The following C10orf53 variants were observed in gnomAD, a reference collection of about 807,000 sequenced individuals.
C10orf53 encodes chromosome 10 open reading frame 53.
C10orf53 carries 8 observed loss-of-function variants against 9.4 expected under a neutral mutation model. That is an observed-to-expected ratio of 0.85 (90% CI 0.50 to 1.53). The LOEUF is 1.53. Among genes scored for constraint, C10orf53 ranks in the 40% most tolerant of loss-of-function variants. C10orf53 has a pLI of 0.00. For missense variants in C10orf53, 117 were observed against 117.8 expected (o/e 0.99, Z 0.03); for synonymous variants, 48 against 46.0 (o/e 1.04, Z -0.18).
In C10orf53 at chr10:49,679,722, C is replaced by G. The variant is rs1192382220; in HGVS notation, c.25C>G (p.Leu9Val). 1 of 1,548,732 alleles carries G rather than the reference C, an allele frequency of 6.5e-7. No homozygotes were observed. Among genetic ancestry groups the G allele is most frequent in the Non-Finnish European group, 8.7e-7 (1 of 1,146,174 alleles). Residue 9 changes from leucine (L) to valine (V), a missense_variant, in exon 1 of 3, where the codon CTG (leucine) becomes GTG (valine). By Grantham distance (32) the Leu-to-Val change is conservative. Coordinates refer to ENST00000374111, the MANE Select transcript of C10orf53 (RefSeq NM_001042427.3). ...GATGCCCAAGAACGCAGTGGTCATC[C>G]TGCGCTATGGGCCCTACAGCGCGGC... MPKNAVVI[L>V]RYGPYSAAGL...
rs1326330586 is a variant in C10orf53, at chr10:49,696,761, G to C, written c.*2159G>C. Among the ~76,000 whole-genome samples the C allele has an allele frequency of 3.3e-5, 5 of 152,202 alleles. No homozygotes were observed. Among genetic ancestry groups the C allele is most frequent in the East Asian group, 3.8e-4 (2 of 5,200 alleles). ...GGTTTCCTCTGAGCAGTGGGATTGG[G>C]GGGTGTGGGGGGCAGGTGAGGTAGA... On this transcript the variant is annotated 3_prime_UTR_variant, in exon 3 of 3. Transcript: ENST00000374111.
intron 1 of C10orf53, among the ~76,000 whole-genome samples, chr10:49,693,398 A>G (rs1287360280): frequency 1.3e-5 from 2 of 152,146 alleles, no homozygotes; most frequent in East Asian, 1.9e-4. Flanking sequence ...AAGGTGTTCA[A>G]TTTGTACTTT....
chr10:49,694,286 G>A, intron 2 of C10orf53: 1 of 599,562 alleles, frequency 1.7e-6, no homozygotes, highest in Non-Finnish European at 2.9e-6. Context: ...GAGTTGATAT[G>A]CCAGCAGTGC....
At chr10:49,683,920 C>T (rs1463657071) in intron 1 of C10orf53, among the ~76,000 whole-genome samples, 2 of 152,122 alleles carry the variant, frequency 1.3e-5, no homozygotes, top group Non-Finnish European at 2.9e-5. Flanking sequence ...AAACCATTGT[C>T]AAATCCAAGA....
Position 49,694,933 on chromosome 10 carries a change from G to C in C10orf53, c.*331G>C. On this transcript the variant is annotated 3_prime_UTR_variant, in exon 3 of 3. Coordinates refer to ENST00000374111, the MANE Select transcript of C10orf53 (RefSeq NM_001042427.3). ...TGCCATTCCTGACTAATAACACATA[G>C]TTGCCAGAAGCATCTGAGATTCCAT... is the stretch of plus-strand genomic sequence containing the variant. The C allele has an allele frequency of 9.3e-7, 1 of 1,073,188 alleles. No homozygotes were observed. The allele number at this position is 1,073,188 out of a possible 1,614,324, so 66.5% of individuals were successfully genotyped here.
At position 49,686,945 on chromosome 10, in the gene C10orf53, C is replaced by T. The variant is rs139575963; in HGVS notation, c.98-6829C>T. 9.5e-3 allele frequency among the ~76,000 whole-genome samples: 1,444 copies of T among 152,334 alleles called. 12 individuals are homozygous for T. The highest frequency in any genetic ancestry group is 0.022 in the South Asian group (108 of 4,826). On this transcript the variant is annotated intron_variant, in intron 1 of 2. Coordinates refer to ENST00000374111, the MANE Select transcript of C10orf53 (RefSeq NM_001042427.3). ...AAGAACCAGAGTCCCATACTGGGAA[C>T]ACAGGCTGCTATCTTCAAGACTGCC...
Position 49,693,682 on chromosome 10 carries a change from A to C in C10orf53, c.98-92A>C, listed in dbSNP as rs1045064848. The C allele has an allele frequency of 6.2e-6, 9 of 1,446,800 alleles. No homozygotes were observed. In the African/African-American group the frequency reaches 1.1e-4, roughly 18 times the overall value. 89.6% of individuals were successfully genotyped at this position (1,446,800 alleles called of 1,614,324 possible). ...TGATACCCATGAGCAACTAGATGGC[A>C]GACAAGCTACTGTCATCATGAGGAC... On this transcript the variant is annotated intron_variant, in intron 1 of 2. Transcript: ENST00000374111.
At position 49,690,364 on chromosome 10, in the gene C10orf53, C is replaced by A. The variant is rs184349409; in HGVS notation, c.98-3410C>A. On this transcript the variant is annotated intron_variant, in intron 1 of 2. Coordinates refer to ENST00000374111, the MANE Select transcript of C10orf53 (RefSeq NM_001042427.3). ...CCCCCACAACTTTAGATCCAGCACTCACCGCACAGCAGGCAGAGAGTGGTA... is the reference window on the plus strand; with the variant it reads ...CCCCCACAACTTTAGATCCAGCACTAACCGCACAGCAGGCAGAGAGTGGTA... 2.2e-3 allele frequency among the ~76,000 whole-genome samples: 331 copies of A among 152,330 alleles called. 4 individuals carry two copies. The highest frequency in any genetic ancestry group is 7.4e-3 in the African/African-American group (307 of 41,570).
chr10:49,700,880 AG>A (rs1176260470), downstream of C10orf53, among the ~76,000 whole-genome samples: 1 of 152,140 alleles, frequency 6.6e-6, no homozygotes, highest in Non-Finnish European at 1.5e-5. Flanking sequence ...CCACAGTAAA[AG>A]CACATTAGAT....
chr10:49,682,690 T>G (rs1193934705), intron 1 of C10orf53, among the ~76,000 whole-genome samples: 1 of 152,104 alleles, frequency 6.6e-6, no homozygotes, highest in Non-Finnish European at 1.5e-5. Flanking sequence ...TTTTACAGAG[T>G]GCTGATTGGT....
intron 1 of C10orf53, among the ~76,000 whole-genome samples, chr10:49,683,034 A>G (rs995206572): frequency 6.6e-6 from 1 of 152,198 alleles, no homozygotes; most frequent in Admixed American, 6.5e-5. Context: ...TGTTATGAAC[A>G]CTGGTAAACA....
chr10:49,708,323 C>A, intron 2 of C10orf53: 1 of 1,604,126 alleles, frequency 6.2e-7, no homozygotes, highest in South Asian at 1.1e-5. Context: ...GTCTCCATCT[C>A]TTGATGCTGC....
intron 2 of C10orf53, among the ~76,000 whole-genome samples, chr10:49,705,742 C>CA (rs975018935): frequency 6.6e-6 from 1 of 150,988 alleles, no homozygotes; most frequent in Non-Finnish European, 1.5e-5. Context: ...TATATTAAAC[C>CA]AAAACACAAA....
rs371062212 is a variant in C10orf53, at chr10:49,680,267, C to A, written c.97+473C>A. 5.8e-4 allele frequency among the ~76,000 whole-genome samples: 88 copies of A among 152,358 alleles called. 2 individuals are homozygous for A. The South Asian group carries it at 0.018, about 31-fold the overall frequency. On this transcript the variant is annotated intron_variant, in intron 1 of 2. Coordinates refer to ENST00000374111, the MANE Select transcript of C10orf53 (RefSeq NM_001042427.3). ...GTCCTTGAAGTAATCTCCTTGTTAACTGCTAAATGACAGCTGTGCCTAAGC... is the reference window on the plus strand; with the variant it reads ...GTCCTTGAAGTAATCTCCTTGTTAAATGCTAAATGACAGCTGTGCCTAAGC...
At chr10:49,680,806 T>C (rs1475487927) in intron 1 of C10orf53, among the ~76,000 whole-genome samples, 1 of 152,160 alleles carries the variant, frequency 6.6e-6, no homozygotes, top group Non-Finnish European at 1.5e-5. Context: ...GTAAAAAGAA[T>C]GTTATCCGGA....
chr10:49,699,507 TA>T (rs574501373), downstream of C10orf53, among the ~76,000 whole-genome samples: 1,209 of 149,702 alleles, frequency 8.1e-3, 16 homozygotes, highest in African/African-American at 0.028. Flanking sequence ...GTGGCTCAAT[TA>T]AAAAAAAAAT....
intron 2 of C10orf53, among the ~76,000 whole-genome samples, chr10:49,705,613 T>C (rs1247045792): frequency 6.6e-6 from 1 of 152,084 alleles, no homozygotes; most frequent in East Asian, 1.9e-4. Context: ...TCACACCATA[T>C]ACAAAAATTA....
At chr10:49,704,199 A>G (rs1187229450) in intron 2 of C10orf53, among the ~76,000 whole-genome samples, 1 of 152,252 alleles carries the variant, frequency 6.6e-6, no homozygotes, top group African/African-American at 2.4e-5. Context: ...TAAGAAGAAA[A>G]GTGGTTTTGT....
Position 49,708,787 on chromosome 10 carries a change from C to T in C10orf53, c.*170C>T, listed in dbSNP as rs928824833. 43 of 893,876 alleles carry T rather than the reference C, an allele frequency of 4.8e-5. No homozygotes were observed. The East Asian group carries it at 7.2e-4, about 15-fold the overall frequency. The allele number at this position is 893,876 out of a possible 1,614,324, so 55.4% of individuals were successfully genotyped here. On this transcript the variant is annotated 3_prime_UTR_variant, in exon 3 of 3. Coordinates refer to the C10orf53 transcript ENST00000374112. ...CACAGGCAACCTGTGGCAAACCCAA[C>T]GTGATTCTCCCCAGCTCTGAGTCTC...
Sources: gnomAD v4.1 joint callset for allele counts (sites outside exome capture counted in the v4.1 genomes callset) on GRCh38, gnomAD v4.1.1 for gene constraint, MANE v1.5 for transcripts, NCBI Gene and HGNC (gene_info 2026-07-23, HGNC 2026-07-21) for gene names.